RSU1: variants seen among roughly 807,000 people sequenced by gnomAD.
The protein encoded by RSU1 is Ras suppressor protein 1.
In RSU1, 26 loss-of-function variants were observed where a neutral mutation model predicts 31.1. The observed-to-expected ratio is 0.84, with a 90% CI of 0.61 to 1.16. The LOEUF (loss-of-function observed/expected upper bound fraction) is 1.16, where lower values mean the gene tolerates loss of function less well. RSU1 is among the 50% of genes most tolerant of loss of function. The pLI is 0.00. For synonymous variants in RSU1, 164 were observed against 136.3 expected (o/e 1.20, Z -1.41); for missense variants, 320 against 339.1 (o/e 0.94, Z 0.44).
At chr10:16,620,397 A>C (rs898006719) in intron 8 of RSU1, among the ~76,000 whole-genome samples, 12 of 152,026 alleles carry the variant, frequency 7.9e-5, no homozygotes, top group African/African-American at 2.9e-4. Context: ...CTGCTCTTTC[A>C]TTTACACATG....
intron 2 of RSU1, among the ~76,000 whole-genome samples, chr10:16,790,173 G>C (rs1490938464): frequency 6.6e-6 from 1 of 152,176 alleles, no homozygotes; most frequent in African/African-American, 2.4e-5. Context: ...AATTTCAAAA[G>C]AAAGACAATC....
intron 8 of RSU1, among the ~76,000 whole-genome samples, chr10:16,610,168 G>C (rs1246403384): frequency 2.0e-5 from 3 of 152,026 alleles, no homozygotes; most frequent in Non-Finnish European, 2.9e-5. Context: ...TGAGTACTAT[G>C]TCTTTGAACT....
At chr10:16,764,583 G>T in intron 3 of RSU1, 73 bp from the exon 4 acceptor site, 1 of 1,472,334 alleles carries the variant, frequency 6.8e-7, no homozygotes, top group Non-Finnish European at 9.1e-7. Flanking sequence ...GGCACATTTT[G>T]TTTTTCTTTC....
chr10:16,784,916 AG>A (rs1410692776), intron 2 of RSU1, among the ~76,000 whole-genome samples: 3 of 152,152 alleles, frequency 2.0e-5, no homozygotes, highest in Admixed American at 2.0e-4. Context: ...CCAGGGCAGG[AG>A]GAAGTGGGGC....
intron 2 of RSU1, among the ~76,000 whole-genome samples, chr10:16,811,603 C>T (rs1218788957): frequency 6.6e-6 from 1 of 152,174 alleles, no homozygotes; most frequent in Non-Finnish European, 1.5e-5. Context: ...AAGTCAAATG[C>T]CATTACCGAT....
In RSU1 at chr10:16,628,825, C is replaced by G. The variant is rs1834200930; in HGVS notation, c.732-35329G>C. 2.0e-5 allele frequency among the ~76,000 whole-genome samples: 3 copies of G among 152,188 alleles called. No individual in the cohort carries two copies. The South Asian group carries it at 6.2e-4, about 32-fold the overall frequency. On this transcript the variant is annotated intron_variant, in intron 8 of 8. Coordinates refer to ENST00000345264, the MANE Select transcript of RSU1 (RefSeq NM_012425.4). ...TTTAAATTAATTCTTACTTTTCGTT[C>G]ATTGTTTGACCTTCCAGTCAATCAA... is the stretch of plus-strand genomic sequence containing the variant.
rs199904406 is a variant in RSU1 at position 16,695,155 on chromosome 10, C to T, written c.599G>A (p.Gly200Glu). The T allele has an allele frequency of 7.6e-6, 11 of 1,454,474 alleles. No homozygotes were observed. The highest frequency in any genetic ancestry group is 1.9e-5 in the African/African-American group (1 of 52,020). 90.1% of individuals were successfully genotyped at this position (1,454,474 alleles called of 1,614,324 possible). A position where few individuals can be genotyped will look rare whatever the true frequency, so the allele number is the denominator to read the frequency against. Residue 200 changes from glycine to glutamate, a missense_variant and splice_region_variant, in exon 8 of 9, where the codon GGA becomes GAA. Gly to Glu is a moderately conservative substitution (Grantham distance 98, BLOSUM62 -2). Transcript: ENST00000345264. ...NRLTVLPPELGNLDLTGQKQV... is the reference protein window; with the variant it reads ...NRLTVLPPELENLDLTGQKQV... ...CTTCTGGCCAGTTAAATCCAAGTTT[C>T]CTGGGGGGGGGGAAAAAAAAAGTGA... is the stretch of plus-strand genomic sequence containing the variant.
intron 8 of RSU1, among the ~76,000 whole-genome samples, chr10:16,689,925 G>A (rs776029379): frequency 6.6e-6 from 1 of 152,172 alleles, no homozygotes; most frequent in African/African-American, 2.4e-5. Flanking sequence ...TCATGATGAC[G>A]CCTGTTTGCC....
chr10:16,777,268 A>C (rs11254178), intron 3 of RSU1, among the ~76,000 whole-genome samples: 1,940 of 152,316 alleles, frequency 0.013, 35 homozygotes, highest in African/African-American at 0.045. Context: ...ACAGATTAAA[A>C]AAAAAAACTC....
intron 2 of RSU1, among the ~76,000 whole-genome samples, chr10:16,783,166 C>A (rs555381835): frequency 6.6e-6 from 1 of 152,244 alleles, no homozygotes; most frequent in African/African-American, 2.4e-5. Flanking sequence ...CCACCTTAGC[C>A]TCCCAAAGTG....
At position 16,591,647 on chromosome 10, in the gene RSU1, C is replaced by G. The variant is rs569099311; in HGVS notation, c.*1747G>C. On this transcript the variant is annotated 3_prime_UTR_variant, in exon 9 of 9. Transcript: ENST00000345264. ...ATTACCAGTGAGTCTTCGATGATTG[C>G]TTCATGTTTCTGGGAGGTATTTCGT... The G allele has an allele frequency of 6.6e-6, 1 of 152,140 alleles. No homozygotes were observed. Among genetic ancestry groups the G allele is most frequent in the African/African-American group, 2.4e-5 (1 of 41,510 alleles). The allele number at this position is 152,140 out of a possible 1,614,324, so 9.4% of individuals were successfully genotyped here. A position where few individuals can be genotyped will look rare whatever the true frequency, so the allele number is the denominator to read the frequency against.
intron 8 of RSU1, among the ~76,000 whole-genome samples, chr10:16,649,270 G>A (rs1204499856): frequency 6.6e-6 from 1 of 152,102 alleles, no homozygotes; most frequent in Non-Finnish European, 1.5e-5. Context: ...ATGAAAACGA[G>A]GAATTAAATC....
chr10:16,814,330 C>A (rs1429003127), intron 2 of RSU1, among the ~76,000 whole-genome samples: 1 of 151,790 alleles, frequency 6.6e-6, no homozygotes, highest in African/African-American at 2.4e-5. Context: ...TACCTATAGT[C>A]CCAGCTACTC....
chr10:16,592,012 A>G lies in RSU1; in HGVS notation c.*1382T>C, dbSNP rs1275795402. 6.6e-6 allele frequency: 1 copy of G among 152,252 alleles called. No individual in the cohort carries two copies. The highest frequency in any genetic ancestry group is 2.4e-5 in the African/African-American group (1 of 41,474). The allele number at this position is 152,252 out of a possible 1,614,324, so 9.4% of individuals were successfully genotyped here. ...TAGACCTTGCTCTGTGGCCTCTCTG[A>G]TTGAAATGCGAAGTCTGTTTCCTAA... On this transcript the variant is annotated 3_prime_UTR_variant, in exon 9 of 9. Transcript: ENST00000345264.
chr10:16,626,241 G>A (rs1162361820), intron 8 of RSU1, among the ~76,000 whole-genome samples: 2 of 151,758 alleles, frequency 1.3e-5, no homozygotes, highest in African/African-American at 4.8e-5. Flanking sequence ...TGTAGAGACA[G>A]GGTCTCCCTA....
intron 8 of RSU1, among the ~76,000 whole-genome samples, chr10:16,632,767 C>T (rs138794858): frequency 2.0e-5 from 3 of 152,130 alleles, no homozygotes; most frequent in Non-Finnish European, 2.9e-5. Context: ...GGCAAAACCT[C>T]GTCTCTACCA....
intron 8 of RSU1, among the ~76,000 whole-genome samples, chr10:16,624,157 C>A (rs557877730): frequency 6.6e-6 from 1 of 152,104 alleles, no homozygotes; most frequent in African/African-American, 2.4e-5. Flanking sequence ...ACCACTTCCC[C>A]GCCCTCTAGC....
intron 8 of RSU1, among the ~76,000 whole-genome samples, chr10:16,601,120 G>A (rs1465998359): frequency 6.6e-6 from 1 of 152,106 alleles, no homozygotes; most frequent in East Asian, 1.9e-4. Context: ...TTGTCTCCGA[G>A]CAGCTGCTCT....
At chr10:16,608,916 T>C (rs571157738) in intron 8 of RSU1, among the ~76,000 whole-genome samples, 6 of 152,304 alleles carry the variant, frequency 3.9e-5, no homozygotes, top group African/African-American at 9.6e-5. Flanking sequence ...CACTGCAGCC[T>C]CAAACTCCTG....
Sources: allele counts gnomAD v4.1 joint callset (sites outside exome capture counted in the v4.1 genomes callset), GRCh38; gene constraint gnomAD v4.1.1; transcripts MANE v1.5; gene names NCBI Gene and HGNC (gene_info 2026-07-23, HGNC 2026-07-21).